The following PLCG2 variants were observed in gnomAD, a reference collection of about 807,000 sequenced individuals.
PLCG2 encodes phospholipase C gamma 2.
Under a neutral mutation model 175.6 loss-of-function variants are expected in PLCG2, and 69 were observed. The ratio of observed to expected loss-of-function variants is 0.39; its 90% CI spans 0.32 to 0.48. PLCG2 has a LOEUF of 0.48. Ranked by LOEUF, PLCG2 falls within the 20% of genes least tolerant of loss-of-function variation. The pLI, the probability that PLCG2 is intolerant of heterozygous loss-of-function variation, is 0.91. For missense variants in PLCG2, 1,798 were observed against 1,650.9 expected, an observed-to-expected ratio of 1.09 and a Z score of -1.54; for synonymous variants, 827 against 624.0, an observed-to-expected ratio of 1.33 and a Z score of -4.85.
At chr16:81,761,447 A>G (rs8063120) in intron 2 of PLCG2, among the ~76,000 whole-genome samples, 84,234 of 152,098 alleles carry the variant, frequency 0.55, 24,293 homozygotes, top group Middle Eastern at 0.64. Flanking sequence ...ATTATAACAC[A>G]GTACATGGGT....
intron 2 of PLCG2, among the ~76,000 whole-genome samples, chr16:81,823,513 G>T (rs1472005223): frequency 3.9e-5 from 6 of 152,108 alleles, no homozygotes; most frequent in African/African-American, 1.4e-4. Context: ...AAGGCTTTAA[G>T]ATGACTGTTT....
At position 81,953,701 on chromosome 16, in the gene PLCG2, G is replaced by T. The variant is rs1250711486; in HGVS notation, c.3571-2994G>T. Among the ~76,000 whole-genome samples, 3 of 152,102 alleles carry T rather than the reference G, an allele frequency of 2.0e-5. No homozygotes were observed. The East Asian group carries it at 5.8e-4, about 29-fold the overall frequency. On this transcript the variant is annotated intron_variant, in intron 31 of 32. Coordinates refer to ENST00000564138, the MANE Select transcript of PLCG2 (RefSeq NM_002661.5). Reference sequence around the variant, plus strand: ...GAGTGGTGGTTCCTCAAGTCAAGAGGGCTGGTTCATTTGCTGTAGAGTTAT... The same window carrying T: ...GAGTGGTGGTTCCTCAAGTCAAGAGTGCTGGTTCATTTGCTGTAGAGTTAT...
chr16:81,781,617 C>G (rs970507000), intron 1 of PLCG2, among the ~76,000 whole-genome samples: 2 of 152,186 alleles, frequency 1.3e-5, no homozygotes, highest in African/African-American at 2.4e-5. Flanking sequence ...GTGGCTGACA[C>G]CATTCCTTTG....
At chr16:81,865,399 G>A (rs1349498918) in intron 5 of PLCG2, among the ~76,000 whole-genome samples, 3 of 152,134 alleles carry the variant, frequency 2.0e-5, no homozygotes, top group Non-Finnish European at 4.4e-5. Flanking sequence ...CTCGCCTAGG[G>A]AGAAAGCGGG....
At chr16:81,952,247 C>G (rs1395597334) in intron 31 of PLCG2, among the ~76,000 whole-genome samples, 1 of 151,950 alleles carries the variant, frequency 6.6e-6, no homozygotes, top group East Asian at 1.9e-4. Context: ...AATATAAACT[C>G]AAGTTACATA....
At chr16:81,868,012 G>C (rs544354331) in intron 5 of PLCG2, among the ~76,000 whole-genome samples, 176 of 152,240 alleles carry the variant, frequency 1.2e-3, no homozygotes, top group African/African-American at 4.2e-3. Context: ...CTCGCTTCCC[G>C]CTTCAGCTGA....
intron 5 of PLCG2, 137 bp downstream of exon 5, chr16:81,859,300 G>A (rs543994731): frequency 4.3e-4 from 269 of 624,052 alleles, no homozygotes; most frequent in South Asian, 6.6e-4. Context: ...CGGATGCCAT[G>A]TTGGGTCCTG....
chr16:81,880,082 A>G (rs990632560), intron 7 of PLCG2, among the ~76,000 whole-genome samples: 1 of 152,212 alleles, frequency 6.6e-6, no homozygotes, highest in African/African-American at 2.4e-5. Flanking sequence ...CTCTACAAAA[A>G]GAAAAAATAT....
intron 5 of PLCG2, among the ~76,000 whole-genome samples, chr16:81,865,062 C>T (rs554547154): frequency 1.3e-5 from 2 of 152,124 alleles, no homozygotes; most frequent in Non-Finnish European, 2.9e-5. Flanking sequence ...AGGAAGGCAG[C>T]TGGAACAGGC....
intron 2 of PLCG2, among the ~76,000 whole-genome samples, chr16:81,818,197 G>C (rs376903479): frequency 4.1e-4 from 62 of 152,338 alleles, no homozygotes; most frequent in Middle Eastern, 6.8e-3. Context: ...CTGTGCCTCA[G>C]TTTCCTCACT....
intron 2 of PLCG2, among the ~76,000 whole-genome samples, chr16:81,845,800 C>T (rs1346695048): frequency 6.6e-6 from 1 of 152,196 alleles, no homozygotes; most frequent in East Asian, 1.9e-4. Context: ...CCACCGACCC[C>T]CTCAGACTTT....
chr16:81,958,006 G>A lies in PLCG2; in HGVS notation c.*8G>A, dbSNP rs1911643970. ...AGCAAGTTTTACTCATAGAAGCTGG[G>A]GTATGTGTGTAAGGGTATTGTGTGT... On this transcript the variant is annotated 3_prime_UTR_variant, in exon 33 of 33. Transcript: ENST00000564138. 2.5e-6 allele frequency: 4 copies of A among 1,603,774 alleles called. No individual in the cohort carries two copies. The highest frequency in any genetic ancestry group is 1.3e-5 in the African/African-American group (1 of 74,682).
intron 1 of PLCG2, among the ~76,000 whole-genome samples, chr16:81,783,828 C>A (rs907981701): frequency 7.7e-6 from 1 of 130,700 alleles, no homozygotes; most frequent in Non-Finnish European, 1.7e-5. Flanking sequence ...TAACTCTCAG[C>A]AGGGTTTTTT....
At chr16:81,919,385 G>A in intron 19 of PLCG2, 99 bp from the exon 20 acceptor site, 2 of 873,068 alleles carry the variant, frequency 2.3e-6, no homozygotes, top group East Asian at 4.9e-5. Flanking sequence ...ACTTCTCTAA[G>A]GCTGGATAAC....
chr16:81,838,298 G>T (rs1905633092), intron 2 of PLCG2, among the ~76,000 whole-genome samples: 2 of 152,122 alleles, frequency 1.3e-5, no homozygotes, highest in Admixed American at 1.3e-4. Context: ...TGTTTCCCAG[G>T]CAGGTTTTGA....
chr16:81,904,248 G>A (rs1310929499), intron 14 of PLCG2, among the ~76,000 whole-genome samples: 3 of 152,162 alleles, frequency 2.0e-5, no homozygotes, highest in Non-Finnish European at 2.9e-5. Context: ...TCCCACAGGG[G>A]CTGCCACGTC....
At chr16:81,862,074 G>T (rs747737923) in intron 5 of PLCG2, among the ~76,000 whole-genome samples, 2 of 152,210 alleles carry the variant, frequency 1.3e-5, no homozygotes, top group Non-Finnish European at 2.9e-5. Flanking sequence ...CTTTGCAAAA[G>T]AAACTTTGAC....
rs1483609067 is a variant in PLCG2 at position 81,928,541 on chromosome 16, G to C, written c.2515-17G>C. ...TCCCGTTACAACTAACGTGAGTTAT[G>C]TCTTGTTTCTTCACAGATTATTGAA... is the stretch of plus-strand genomic sequence containing the variant. On this transcript the variant is annotated splice_polypyrimidine_tract_variant and intron_variant, in intron 23 of 32. Transcript: ENST00000564138. 1.9e-6 allele frequency: 3 copies of C among 1,550,672 alleles called. No individual in the cohort carries two copies. In the African/African-American group the frequency reaches 4.1e-5, roughly 21 times the overall value.
intron 32 of PLCG2, 94 bp from the exon 33 acceptor site, chr16:81,957,862 C>G: frequency 1.8e-6 from 2 of 1,127,074 alleles, no homozygotes; most frequent in Non-Finnish European, 1.3e-6. Context: ...CTATGAATGA[C>G]TGGCAAATGT....
Sources: allele counts gnomAD v4.1 joint callset (sites outside exome capture counted in the v4.1 genomes callset), GRCh38; gene constraint gnomAD v4.1.1; transcripts MANE v1.5; gene names NCBI Gene and HGNC (gene_info 2026-07-23, HGNC 2026-07-21).